IL17RC: variants seen among roughly 807,000 people sequenced by gnomAD.
IL17RC encodes interleukin 17 receptor C, also known as interleukin-17 receptor C.
A neutral mutation model predicts 86.7 loss-of-function variants in IL17RC; 53 were observed. The observed-to-expected ratio is 0.61, with a 90% CI of 0.49 to 0.77. IL17RC has a LOEUF of 0.77. Among genes scored for constraint, IL17RC ranks in the 30% least tolerant of loss-of-function variants. The pLI, the probability that IL17RC is intolerant of heterozygous loss-of-function variation, is 0.00. For synonymous variants in IL17RC, 439 were observed against 413.1 expected, an observed-to-expected ratio of 1.06 and a Z score of -0.76; for missense variants, 957 against 940.0, an observed-to-expected ratio of 1.02 and a Z score of -0.24.
chr3:9,918,194 C>G, intron 3 of IL17RC, 119 bp downstream of exon 3: 1 of 1,316,686 alleles, frequency 7.6e-7, no homozygotes, highest in Non-Finnish European at 1.0e-6. Flanking sequence ...TGGAGGACAC[C>G]AGCAGAAGGA....
At chr3:9,927,590 C>G (rs2084205687) in intron 9 of IL17RC, among the ~76,000 whole-genome samples, 1 of 150,966 alleles carries the variant, frequency 6.6e-6, no homozygotes, top group Non-Finnish European at 1.5e-5. Context: ...ATTTAATTAT[C>G]CAAGGTCTCT....
In IL17RC at chr3:9,930,435, C is replaced by T. The variant is rs748596139; in HGVS notation, c.1314C>T (p.Asp438=). 8.7e-6 allele frequency: 14 copies of T among 1,613,938 alleles called. No individual in the cohort carries two copies. In the Admixed American group the frequency reaches 2.3e-4, roughly 27 times the overall value. The change falls in exon 15 of 19, where the codon GAC becomes GAT. Residue 438 remains aspartate, a synonymous_variant. Coordinates refer to ENST00000403601, the MANE Select transcript of IL17RC (RefSeq NM_153460.4). The surrounding 1 kb of genome is among the most constrained non-coding windows in gnomAD (Gnocchi z 5.8). The part of the protein sequence containing the change: ...AARLGEYLLQ[D]LQSGQCLQLW... ...GCCTTGGAGAGTACTTACTACAAGA[C>T]CTGCAGTCAGGCCAGTGTCTGCAGG...
In IL17RC at chr3:9,933,140, C is replaced by T; in HGVS notation, c.1710C>T (p.Thr570=). The T allele has an allele frequency of 6.3e-7, 1 of 1,598,244 alleles. No homozygotes were observed. The highest frequency in any genetic ancestry group is 1.1e-5 in the South Asian group (1 of 89,236). The change falls in exon 19 of 19, where the codon ACC becomes ACT. Residue 570 remains threonine, a synonymous_variant. Transcript: ENST00000403601. ...VAWFHAQRRQ[T]LQEGGVVVLL... Reference sequence around the variant, plus strand: ...GGTTTCACGCGCAGCGGCGCCAGACCCTGCAGGAGGGCGGCGTGGTGGTCT... The same window carrying T: ...GGTTTCACGCGCAGCGGCGCCAGACTCTGCAGGAGGGCGGCGTGGTGGTCT...
At position 9,928,587 on chromosome 3, in the gene IL17RC, T is replaced by A. The variant is rs200869244; in HGVS notation, c.1067T>A (p.Leu356His). 6.8e-6 allele frequency: 11 copies of A among 1,613,808 alleles called. No individual in the cohort carries two copies. Among genetic ancestry groups the A allele is most frequent in the African/African-American group, 1.3e-5 (1 of 75,038 alleles). ...SWENVTVDKV[L>H]EFPLLKGHPN... is the part of the protein sequence containing the mutation. ...ATTCCTCTCTTTCCACAGAAGGTTC[T>A]CGAGTTCCCATTGCTGAAAGGCCAC... is the stretch of plus-strand genomic sequence containing the variant. Residue 356 changes from leucine to histidine, a missense_variant, in exon 12 of 19, where the codon CTC becomes CAC. Physicochemically the swap from Leu to His is moderately conservative, Grantham distance 99. Coordinates refer to ENST00000403601, the MANE Select transcript of IL17RC (RefSeq NM_153460.4).
At chr3:9,931,097 G>A (rs1207513150) in intron 16 of IL17RC, among the ~76,000 whole-genome samples, 154 bp downstream of exon 16, 3 of 152,174 alleles carry the variant, frequency 2.0e-5, no homozygotes, top group South Asian at 4.1e-4. Context: ...AATGATGAGA[G>A]CTTGCAGGGA....
Position 9,918,540 on chromosome 3 carries a change from C to A in IL17RC, c.396C>A (p.Tyr132Ter), listed in dbSNP as rs986915838. The stretch of plus-strand genomic sequence containing the variant: ...AAGTCGTGCTCTCCTTCCAGGCCTA[C>A]CCTACTGCCCGCTGCGTCCTGCTGG... Reference protein sequence around the residue: ...QAQVVLSFQAYPTARCVLLEV... With the variant: ...QAQVVLSFQA Residue 132 changes from tyrosine to a stop codon, truncating the protein, a stop_gained, in exon 5 of 19, where the codon TAC (tyrosine) becomes TAA (stop). Transcript: ENST00000403601. LOFTEE classifies it high-confidence loss of function. 6.2e-7 allele frequency: 1 copy of A among 1,614,066 alleles called. No individual in the cohort carries two copies. Among genetic ancestry groups the A allele is most frequent in the Non-Finnish European group, 8.5e-7 (1 of 1,180,042 alleles).
Position 9,920,359 on chromosome 3 carries a change from A to G in IL17RC, c.466-132A>G. ...AAAGGTGAATAGTAGATTTCAGGCT[A>G]TACAGTATAAATACAGTCATTAGTT... On this transcript the variant is annotated intron_variant, in intron 5 of 18. Transcript: ENST00000403601. 2.4e-5 allele frequency: 15 copies of G among 626,408 alleles called. No individual in the cohort carries two copies. In the South Asian group the frequency reaches 2.9e-4, roughly 12 times the overall value. 38.8% of individuals were successfully genotyped at this position (626,408 alleles called of 1,614,324 possible). A position where few individuals can be genotyped will look rare whatever the true frequency, so the allele number is the denominator to read the frequency against.
chr3:9,931,231 G>A (rs950542752), intron 16 of IL17RC, among the ~76,000 whole-genome samples: 1 of 151,980 alleles, frequency 6.6e-6, no homozygotes, highest in East Asian at 1.9e-4. Context: ...GTTCAGTGCT[G>A]TAAATGCATA....
At position 9,930,600 on chromosome 3, in the gene IL17RC, C is replaced by A; in HGVS notation, c.1338+141C>A. 1.2e-6 allele frequency: 1 copy of A among 826,572 alleles called. No individual in the cohort carries two copies. The highest frequency in any genetic ancestry group is 2.0e-6 in the Non-Finnish European group (1 of 512,478). 51.2% of individuals were successfully genotyped at this position (826,572 alleles called of 1,614,324 possible). On this transcript the variant is annotated intron_variant, in intron 15 of 18. Transcript: ENST00000403601. The surrounding 1 kb of genome is among the most constrained non-coding windows in gnomAD (Gnocchi z 5.8). ...GTAGAAGAAGCACAGTTCCTATCCC[C>A]AAGGAGCACACTGTTGGCTAGACAC...
intron 1 of IL17RC, 39 bp downstream of exon 1, chr3:9,917,459 G>A (rs774775130): frequency 1.2e-6 from 2 of 1,614,214 alleles, no homozygotes; most frequent in South Asian, 1.1e-5. Flanking sequence ...AAAGGCTCAG[G>A]GTTCAGTTTT....
intron 12 of IL17RC, 145 bp downstream of exon 12, chr3:9,928,775 G>A (rs576589046): frequency 1.0e-4 from 82 of 789,766 alleles, no homozygotes; most frequent in Admixed American, 1.4e-4. Context: ...AGTAGTGCGC[G>A]GGACCCTGGG....
chr3:9,919,601 G>A (rs2083382725), intron 5 of IL17RC, among the ~76,000 whole-genome samples: 2 of 151,990 alleles, frequency 1.3e-5, no homozygotes, highest in South Asian at 2.1e-4. Context: ...AGCCGAGATC[G>A]CGCCACTGCA....
intron 7 of IL17RC, among the ~76,000 whole-genome samples, chr3:9,923,198 A>T (rs1030648285): frequency 1.3e-5 from 2 of 150,016 alleles, no homozygotes; most frequent in Admixed American, 1.3e-4. Flanking sequence ...AAGGAAAAAA[A>T]AAAGAGAGAG....
rs774078105 is a variant in IL17RC, at chr3:9,923,944, A to G, written c.686A>G (p.Glu229Gly). The change falls in exon 8 of 19, where the codon GAG becomes GGG. Residue 229 changes from glutamate (E) to glycine (G), a missense_variant. Physicochemically the swap from Glu to Gly is moderately conservative, Grantham distance 98. Transcript: ENST00000403601. ...DNVHLVLNVS[E>G]EQHFGLSLYW... ...GTGCATCTGGTTCTGAATGTCTCTG[A>G]GGAGCAGCACTTCGGCCTCTCCCTG... 1.9e-6 allele frequency: 3 copies of G among 1,614,198 alleles called. No homozygotes were observed. In the South Asian group the frequency reaches 3.3e-5, roughly 18 times the overall value.
chr3:9,926,359 G>A (rs7632291), intron 9 of IL17RC, among the ~76,000 whole-genome samples: 2 of 151,956 alleles, frequency 1.3e-5, no homozygotes, highest in Non-Finnish European at 2.9e-5. Context: ...GTTTTGTGGC[G>A]ATGGGCCACC....
chr3:9,926,507 G>T (rs750589286), intron 9 of IL17RC, among the ~76,000 whole-genome samples: 2 of 151,964 alleles, frequency 1.3e-5, no homozygotes, highest in Non-Finnish European at 2.9e-5. Context: ...ACAAGTGTGA[G>T]TTTGTGATTT....
Position 9,930,666 on chromosome 3 carries a change from GT to G in IL17RC, c.1338+209del. Reference sequence around the variant, plus strand: ...CACACCTACAGGTGCTAAGTTTTGGGTTCCAGGGAGAGCTTCCGGGAAGAAT... The same window carrying G: ...CACACCTACAGGTGCTAAGTTTTGGGTCCAGGGAGAGCTTCCGGGAAGAAT... On this transcript the variant is annotated intron_variant, in intron 15 of 18. Coordinates refer to ENST00000403601, the MANE Select transcript of IL17RC (RefSeq NM_153460.4). This position sits in a 1 kb window ranked among gnomAD's most constrained non-coding sequence, Gnocchi z 5.8. 1.5e-6 allele frequency: 1 copy of G among 677,300 alleles called. No homozygotes were observed. The highest frequency in any genetic ancestry group is 2.6e-6 in the Non-Finnish European group (1 of 391,040). The allele number at this position is 677,300 out of a possible 1,614,324, so 42.0% of individuals were successfully genotyped here.
rs186380002 is a variant in IL17RC, at chr3:9,919,853, C to T, written c.466-638C>T. ...GGCTTGGAGAGGGGAGGTCTGTGGG[C>T]TGGATGCACTTCTCTGTACTCTTGG... On this transcript the variant is annotated intron_variant, in intron 5 of 18. Coordinates refer to ENST00000403601, the MANE Select transcript of IL17RC (RefSeq NM_153460.4). Among the ~76,000 whole-genome samples, 18 of 152,088 alleles carry T rather than the reference C, an allele frequency of 1.2e-4. No individual in the cohort carries two copies. The East Asian group carries it at 3.5e-3, about 29-fold the overall frequency.
rs1048326681 is a variant in IL17RC at position 9,928,456 on chromosome 3, A to G, written c.1029A>G (p.Pro343=). The G allele has an allele frequency of 1.2e-6, 2 of 1,609,950 alleles. No individual in the cohort carries two copies. The highest frequency in any genetic ancestry group is 1.1e-5 in the South Asian group (1 of 91,050). The part of the protein sequence containing the change: ...PGGDPCQPLV[P]PLSWENVTVD... ...GGGACCCCTGCCAGCCACTGGTCCC[A>G]CCGCTTTCCTGGGAGAACGTCACTG... The change falls in exon 11 of 19, where the codon CCA becomes CCG. Residue 343 remains proline (P), a synonymous_variant. Coordinates refer to ENST00000403601, the MANE Select transcript of IL17RC (RefSeq NM_153460.4).
Sources: allele counts gnomAD v4.1 joint callset (sites outside exome capture counted in the v4.1 genomes callset), GRCh38; gene constraint gnomAD v4.1.1; non-coding constraint Gnocchi (gnomAD v3.1); transcripts MANE v1.5; gene names NCBI Gene and HGNC (gene_info 2026-07-23, HGNC 2026-07-21).